FAM227B: variants seen among roughly 807,000 people sequenced by gnomAD.
FAM227B encodes the protein family with sequence similarity 227 member B, also known as protein FAM227B.
A neutral mutation model predicts 73.8 loss-of-function variants in FAM227B; 88 were observed. That is an observed-to-expected ratio of 1.19 (90% confidence interval 1.00 to 1.42). FAM227B has a LOEUF of 1.42. FAM227B is among the 40% of genes most tolerant of loss of function. The probability of loss-of-function intolerance (pLI) is 0.00; values close to 1 mark genes in which losing one functional copy is unlikely to be tolerated. For missense variants in FAM227B, 632 were observed against 590.9 expected, an observed-to-expected ratio of 1.07 and a Z score of -0.72; for synonymous variants, 210 against 190.5, an observed-to-expected ratio of 1.10 and a Z score of -0.84.
At chr15:49,459,917 C>T (rs1000715482) in intron 11 of FAM227B, among the ~76,000 whole-genome samples, 15 of 152,156 alleles carry the variant, frequency 9.9e-5, no homozygotes, top group Admixed American at 6.5e-5. Flanking sequence ...GCAAATGCCA[C>T]ACATTAGAGA....
At chr15:49,589,469 AT>A (rs2076391506) in intron 4 of FAM227B, among the ~76,000 whole-genome samples, 1 of 151,978 alleles carries the variant, frequency 6.6e-6, no homozygotes, top group African/African-American at 2.4e-5. Context: ...GTATTGAACC[AT>A]TTTGAAATGA....
At chr15:49,551,116 C>T (rs1404080998) in intron 9 of FAM227B, among the ~76,000 whole-genome samples, 1 of 152,178 alleles carries the variant, frequency 6.6e-6, no homozygotes, top group Non-Finnish European at 1.5e-5. Flanking sequence ...CCCGTCTCCA[C>T]CAAAAAAATA....
chr15:49,568,306 G>A lies in FAM227B; in HGVS notation c.686C>T (p.Ser229Leu). ...CATGAAAAGTGTCACATAACTTTCT[G>A]AAATTCTATCGAATAAGCAATCTTG... ...ENQDCLFDRI[S>L]ESYVTLFMSI... The change falls in exon 9 of 16, where the codon TCA (serine) becomes TTA (leucine). Residue 229 changes from serine (S) to leucine (L), a missense_variant. Transcript: ENST00000299338. 1 of 1,611,062 alleles carries A rather than the reference G, an allele frequency of 6.2e-7. No individual in the cohort carries two copies. Among genetic ancestry groups the A allele is most frequent in the Admixed American group, 1.7e-5 (1 of 59,650 alleles).
intron 14 of FAM227B, among the ~76,000 whole-genome samples, chr15:49,334,610 T>A (rs920729743): frequency 6.6e-6 from 1 of 152,064 alleles, no homozygotes; most frequent in East Asian, 1.9e-4. Flanking sequence ...TGTGTGGACG[T>A]ACACATGCGT....
intron 11 of FAM227B, among the ~76,000 whole-genome samples, chr15:49,412,838 CT>C (rs1364271133): frequency 6.6e-6 from 1 of 152,062 alleles, no homozygotes; most frequent in Non-Finnish European, 1.5e-5. Context: ...TATTTCCACA[CT>C]TGTGTGGAAA....
chr15:49,604,948 T>G (rs1244599577), intron 3 of FAM227B, among the ~76,000 whole-genome samples: 1 of 152,160 alleles, frequency 6.6e-6, no homozygotes, highest in East Asian at 1.9e-4. Flanking sequence ...GTTCCTTTAT[T>G]GTTTTCCTGA....
At chr15:49,573,751 A>G (rs2075276175) in intron 8 of FAM227B, among the ~76,000 whole-genome samples, 2 of 152,306 alleles carry the variant, frequency 1.3e-5, no homozygotes, top group South Asian at 4.1e-4. Context: ...ACCAACTAAT[A>G]CAAGAGAGAT....
intron 11 of FAM227B, among the ~76,000 whole-genome samples, chr15:49,418,004 G>T (rs567815393): frequency 2.0e-5 from 3 of 152,138 alleles, no homozygotes; most frequent in Non-Finnish European, 4.4e-5. Flanking sequence ...TTAAAAAGTG[G>T]GCAAAGGACA....
intron 11 of FAM227B, among the ~76,000 whole-genome samples, chr15:49,422,131 A>T (rs565468979): frequency 1.2e-4 from 17 of 142,208 alleles, no homozygotes; most frequent in Admixed American, 1.1e-3. Flanking sequence ...AGAGAGAGAG[A>T]GAGAGAGAGA....
At chr15:49,465,785 T>A (rs17401417) in intron 11 of FAM227B, among the ~76,000 whole-genome samples, 41,974 of 152,118 alleles carry the variant, frequency 0.28, 6,019 homozygotes, top group East Asian at 0.38. Flanking sequence ...TGTTATTCAA[T>A]CTAACCTTAG....
At chr15:49,474,157 T>C (rs2055034441) in intron 11 of FAM227B, among the ~76,000 whole-genome samples, 1 of 152,184 alleles carries the variant, frequency 6.6e-6, no homozygotes, top group South Asian at 2.1e-4. Flanking sequence ...ATGGTCTATA[T>C]CAAGGAAAAT....
chr15:49,349,353 T>C (rs2041942126), intron 13 of FAM227B, among the ~76,000 whole-genome samples: 1 of 152,098 alleles, frequency 6.6e-6, no homozygotes, highest in African/African-American at 2.4e-5. Context: ...ACTGGCAGAG[T>C]TTATAAAAGG....
intron 11 of FAM227B, chr15:49,424,223 T>C: frequency 3.0e-6 from 4 of 1,330,988 alleles, no homozygotes; most frequent in Non-Finnish European, 4.2e-6. Context: ...AAGAGGTCAA[T>C]GACCTAGGAG....
chr15:49,428,994 A>G (rs2050363939), intron 11 of FAM227B, among the ~76,000 whole-genome samples: 1 of 151,954 alleles, frequency 6.6e-6, no homozygotes, highest in African/African-American at 2.4e-5. Context: ...AATTCTTTGG[A>G]TAGGCTCCTA....
intron 6 of FAM227B, chr15:49,577,047 A>G: frequency 2.2e-6 from 1 of 455,296 alleles, no homozygotes; most frequent in Non-Finnish European, 3.9e-6. Flanking sequence ...CTGTAATCCC[A>G]CCACACTGGG....
At chr15:49,506,511 A>C (rs1034379101) in intron 11 of FAM227B, among the ~76,000 whole-genome samples, 1 of 152,054 alleles carries the variant, frequency 6.6e-6, no homozygotes, top group Non-Finnish European at 1.5e-5. Flanking sequence ...TCTCAAGTGT[A>C]CATGGAATGT....
chr15:49,353,301 G>A (rs2042519591), intron 13 of FAM227B, among the ~76,000 whole-genome samples: 1 of 152,068 alleles, frequency 6.6e-6, no homozygotes, highest in Non-Finnish European at 1.5e-5. Flanking sequence ...GTGCAATCAA[G>A]GGTTTTATGT....
At chr15:49,435,507 TTG>T (rs1462504913) in intron 11 of FAM227B, among the ~76,000 whole-genome samples, 16 of 151,636 alleles carry the variant, frequency 1.1e-4, no homozygotes, top group African/African-American at 3.6e-4. Flanking sequence ...TGATATGTCT[TTG>T]TTTTTGCAAA....
chr15:49,591,382 T>TCCC (rs1555561464), intron 3 of FAM227B, among the ~76,000 whole-genome samples: 33 of 82,218 alleles, frequency 4.0e-4, no homozygotes, highest in African/African-American at 1.6e-3. Context: ...CCTCCCTCCC[T>TCCC]TCCCTCCCTC....
Sources: allele counts gnomAD v4.1 joint callset (sites outside exome capture counted in the v4.1 genomes callset), GRCh38; gene constraint gnomAD v4.1.1; transcripts MANE v1.5; gene names NCBI Gene and HGNC (gene_info 2026-07-23, HGNC 2026-07-21).